The following KCNJ6 variants were observed in gnomAD, a reference collection of about 807,000 sequenced individuals.
The protein encoded by KCNJ6 is G protein-activated inward rectifier potassium channel 2.
KCNJ6 carries 9 observed loss-of-function variants against 34.2 expected under a neutral mutation model. That is an observed-to-expected ratio of 0.26 (90% CI 0.16 to 0.46). KCNJ6 has a LOEUF of 0.46. KCNJ6 is among the 20% of genes least tolerant of loss of function. The probability of loss-of-function intolerance (pLI) is 1.00; values close to 1 mark genes in which losing one functional copy is unlikely to be tolerated. For synonymous variants in KCNJ6, 196 were observed against 207.1 expected (o/e 0.95, Z 0.46); for missense variants, 236 against 531.3 (o/e 0.44, Z 5.46).
chr21:37,752,098 TAAAG>T, intron 2 of KCNJ6, among the ~76,000 whole-genome samples: 1 of 152,312 alleles, frequency 6.6e-6, no homozygotes, highest in South Asian at 2.1e-4. Context: ...CTATGTCACC[TAAAG>T]AAGAGCCTTC....
intron 2 of KCNJ6, among the ~76,000 whole-genome samples, chr21:37,783,335 G>A (rs746389426): frequency 2.0e-5 from 3 of 152,156 alleles, no homozygotes; most frequent in Non-Finnish European, 4.4e-5. Flanking sequence ...GAAGGACCCG[G>A]TGGACAATAA....
At chr21:37,785,481 T>C (rs555559726) in intron 2 of KCNJ6, among the ~76,000 whole-genome samples, 1 of 152,288 alleles carries the variant, frequency 6.6e-6, no homozygotes, top group South Asian at 2.1e-4. Context: ...ATGGAAACTG[T>C]ATTCTCAGTG....
At chr21:37,841,407 T>C (rs2055480115) in intron 1 of KCNJ6, among the ~76,000 whole-genome samples, 1 of 152,244 alleles carries the variant, frequency 6.6e-6, no homozygotes. Flanking sequence ...GGGTTTAATT[T>C]CTTTGTGTTC....
chr21:37,767,364 A>T (rs975870223), intron 2 of KCNJ6, among the ~76,000 whole-genome samples: 1 of 152,240 alleles, frequency 6.6e-6, no homozygotes, highest in Non-Finnish European at 1.5e-5. Context: ...TCAAAAGGAC[A>T]GTAGAATTGT....
chr21:37,795,242 G>T (rs2055235583), intron 2 of KCNJ6, among the ~76,000 whole-genome samples: 1 of 152,148 alleles, frequency 6.6e-6, no homozygotes, highest in East Asian at 1.9e-4. Context: ...CGCAGATGGA[G>T]GTAAACTTCT....
At chr21:37,700,934 GGAA>G (rs1445807542) in intron 3 of KCNJ6, among the ~76,000 whole-genome samples, 1 of 152,176 alleles carries the variant, frequency 6.6e-6, no homozygotes, top group African/African-American at 2.4e-5. Context: ...CACGTGGGAG[GGAA>G]GAGCACAAGA....
intron 2 of KCNJ6, among the ~76,000 whole-genome samples, chr21:37,780,840 A>G (rs2055165862): frequency 1.3e-5 from 2 of 152,208 alleles, no homozygotes; most frequent in South Asian, 4.1e-4. Flanking sequence ...CATGTACCCT[A>G]TACATATATA....
chr21:37,913,767 G>C (rs1017756517), intron 1 of KCNJ6, among the ~76,000 whole-genome samples: 4 of 152,070 alleles, frequency 2.6e-5, no homozygotes, highest in African/African-American at 9.7e-5. Flanking sequence ...GCAGTGAGCC[G>C]AGATCGAGCC....
At chr21:37,873,506 A>G (rs1342560354) in intron 1 of KCNJ6, among the ~76,000 whole-genome samples, 1 of 152,178 alleles carries the variant, frequency 6.6e-6, no homozygotes, top group Non-Finnish European at 1.5e-5. Flanking sequence ...CTCTTAAACC[A>G]GCTCTCTAAA....
At chr21:37,814,358 AG>A (rs1440732071) in intron 2 of KCNJ6, among the ~76,000 whole-genome samples, 1 of 152,222 alleles carries the variant, frequency 6.6e-6, no homozygotes, top group East Asian at 1.9e-4. Context: ...ACCACTATGG[AG>A]AACAGTTTGG....
At chr21:37,643,122 T>C (rs1041637436) in intron 3 of KCNJ6, among the ~76,000 whole-genome samples, 1 of 152,074 alleles carries the variant, frequency 6.6e-6, no homozygotes, top group Non-Finnish European at 1.5e-5. Context: ...AGGCATATAG[T>C]TGGGCAATTT....
intron 1 of KCNJ6, among the ~76,000 whole-genome samples, chr21:37,903,646 G>A (rs2055827261): frequency 6.6e-6 from 1 of 151,922 alleles, no homozygotes; most frequent in Non-Finnish European, 1.5e-5. Context: ...GACACACAGG[G>A]CTCCTCACTC....
chr21:37,902,671 G>C (rs1430396562), intron 1 of KCNJ6, among the ~76,000 whole-genome samples: 1 of 152,170 alleles, frequency 6.6e-6, no homozygotes, highest in African/African-American at 2.4e-5. Context: ...TTTGCATCTG[G>C]CAGAGAGAAG....
chr21:37,764,722 C>T (rs1019458111), intron 2 of KCNJ6, among the ~76,000 whole-genome samples: 9 of 152,162 alleles, frequency 5.9e-5, no homozygotes, highest in African/African-American at 2.2e-4. Flanking sequence ...AGTTTCCAGG[C>T]AGTCTGCAGT....
At chr21:37,711,829 AT>A (rs1363571512) in intron 3 of KCNJ6, among the ~76,000 whole-genome samples, 1 of 147,020 alleles carries the variant, frequency 6.8e-6, no homozygotes, top group Non-Finnish European at 1.5e-5. Context: ...TTAGAAGACT[AT>A]TTTTTAAAAG....
At chr21:37,815,953 C>G (rs904265976) in intron 2 of KCNJ6, among the ~76,000 whole-genome samples, 6 of 152,210 alleles carry the variant, frequency 3.9e-5, no homozygotes, top group African/African-American at 1.4e-4. Flanking sequence ...CTGAAGCAGA[C>G]AGTAGAGGGG....
chr21:37,793,003 C>T (rs1254162270), intron 2 of KCNJ6, among the ~76,000 whole-genome samples: 1 of 152,164 alleles, frequency 6.6e-6, no homozygotes, highest in Non-Finnish European at 1.5e-5. Flanking sequence ...GCTAAGGGTG[C>T]TCCGGGGGGA....
rs992878429 is a variant in KCNJ6 at position 37,609,674 on chromosome 21, A to G, written c.*15485T>C. ...ACGGTTAAAATAAATCAGCTTAATT[A>G]AAATATTATGGTTTAAGCTTTTTGC... is the stretch of plus-strand genomic sequence containing the variant. On this transcript the variant is annotated 3_prime_UTR_variant, in exon 4 of 4. Transcript: ENST00000609713. The G allele has an allele frequency of 6.6e-6, 1 of 152,232 alleles. No homozygotes were observed. Among genetic ancestry groups the G allele is most frequent in the African/African-American group, 2.4e-5 (1 of 41,440 alleles). 9.4% of individuals were successfully genotyped at this position (152,232 alleles called of 1,614,324 possible).
intron 2 of KCNJ6, among the ~76,000 whole-genome samples, chr21:37,734,989 C>T (rs1192591736): frequency 6.6e-6 from 1 of 152,150 alleles, no homozygotes; most frequent in Admixed American, 6.5e-5. Flanking sequence ...CCCACTATGC[C>T]TTCTTCACGA....
Sources: allele counts gnomAD v4.1 joint callset (sites outside exome capture counted in the v4.1 genomes callset), GRCh38; gene constraint gnomAD v4.1.1; transcripts MANE v1.5; gene names NCBI Gene and HGNC (gene_info 2026-07-23, HGNC 2026-07-21).